Variants in LINGO2 observed in about 807,000 individuals in gnomAD.
The protein encoded by LINGO2 is leucine-rich repeat and immunoglobulin-like domain-containing nogo receptor-interacting protein 2.
LINGO2 carries 14 observed loss-of-function variants against 30.6 expected under a neutral mutation model. That is an observed-to-expected ratio of 0.46 (90% CI 0.30 to 0.72). The LOEUF (loss-of-function observed/expected upper bound fraction) is 0.72. LINGO2 is among the 30% of genes least tolerant of loss of function. The pLI is 0.07. For missense variants in LINGO2, 729 were observed against 751.7 expected (o/e 0.97, Z 0.35); for synonymous variants, 317 against 288.5 (o/e 1.10, Z -1.00).
chr9:28,093,691 G>C (rs1215506885), intron 4 of LINGO2, among the ~76,000 whole-genome samples: 1 of 152,022 alleles, frequency 6.6e-6, no homozygotes, highest in Non-Finnish European at 1.5e-5. Context: ...AAGATGCAGT[G>C]TGCTGCTAGC....
chr9:28,133,770 T>G (rs1563993750), intron 4 of LINGO2, among the ~76,000 whole-genome samples: 1 of 152,206 alleles, frequency 6.6e-6, no homozygotes, highest in African/African-American at 2.4e-5. Context: ...TTGTAAATGT[T>G]GGTGTCCTTT....
At chr9:28,809,195 G>C in the LINGO2 span, among the ~76,000 whole-genome samples, 1 of 152,192 alleles carries the variant, frequency 6.6e-6, no homozygotes, top group Non-Finnish European at 1.5e-5. Flanking sequence ...TTCACTAAAA[G>C]ATAATAACTT....
At chr9:28,298,793 T>C (rs1317999594) in intron 3 of LINGO2, among the ~76,000 whole-genome samples, 1 of 152,200 alleles carries the variant, frequency 6.6e-6, no homozygotes, top group Non-Finnish European at 1.5e-5. Context: ...GCAAACAGGT[T>C]CCAGATAGGG....
chr9:28,866,252 A>G, the LINGO2 span, among the ~76,000 whole-genome samples: 1 of 152,188 alleles, frequency 6.6e-6, no homozygotes, highest in African/African-American at 2.4e-5. Flanking sequence ...TTTAACTTCA[A>G]AAATAGGCAG....
At chr9:29,135,024 T>G in the LINGO2 span, among the ~76,000 whole-genome samples, 1 of 152,130 alleles carries the variant, frequency 6.6e-6, no homozygotes, top group Non-Finnish European at 1.5e-5. Context: ...TTGTTTTAGT[T>G]TGAACTTTTA....
rs141151588 is a variant in LINGO2 at position 28,221,298 on chromosome 9, TAAAAAAAAAAAAAA to T, written c.-87+73896_-87+73909del. 4.8e-5 allele frequency among the ~76,000 whole-genome samples: 4 copies of T among 83,738 alleles called. No individual in the cohort carries two copies. The South Asian group carries it at 1.6e-3, about 33-fold the overall frequency. The allele number at this position is 83,738 out of a possible 152,430, so 54.9% of individuals were successfully genotyped here. On this transcript the variant is annotated intron_variant, in intron 4 of 5. Coordinates refer to ENST00000379992, the Ensembl canonical transcript of LINGO2. ...CTGGGTGACAGAGCCAGACCCCGTC[TAAAAAAAAAAAAAA>T]AAAAAAAAAAAAAGCAAAGATAGAG...
chr9:29,027,157 A>T, the LINGO2 span, among the ~76,000 whole-genome samples: 1 of 152,160 alleles, frequency 6.6e-6, no homozygotes, highest in Admixed American at 6.6e-5. Context: ...GGATAAATAA[A>T]ATGAGGCAAA....
At chr9:28,891,116 A>G in the LINGO2 span, among the ~76,000 whole-genome samples, 1 of 152,090 alleles carries the variant, frequency 6.6e-6, no homozygotes, top group Non-Finnish European at 1.5e-5. Context: ...AAGGAGAAAC[A>G]CTAAATAGCA....
At chr9:28,477,863 T>A (rs1253041605) in intron 1 of LINGO2, among the ~76,000 whole-genome samples, 1 of 152,212 alleles carries the variant, frequency 6.6e-6, no homozygotes, top group East Asian at 1.9e-4. Context: ...GGTCTACAAC[T>A]TCTGAAATGA....
chr9:27,985,703 G>A (rs1022446162), intron 5 of LINGO2, among the ~76,000 whole-genome samples: 1 of 151,376 alleles, frequency 6.6e-6, no homozygotes, highest in African/African-American at 2.4e-5. Context: ...TGATTCTACT[G>A]GCTGAGAGAA....
the LINGO2 span, among the ~76,000 whole-genome samples, chr9:29,132,882 T>C: frequency 1.1e-4 from 9 of 84,964 alleles, no homozygotes; most frequent in African/African-American, 3.3e-4. Flanking sequence ...CATGTAATCC[T>C]TTTTTTTTTA....
intron 1 of LINGO2, among the ~76,000 whole-genome samples, chr9:28,578,061 C>G (rs1016919669): frequency 1.3e-5 from 2 of 152,078 alleles, no homozygotes; most frequent in African/African-American, 2.4e-5. Context: ...TACTTTGGGG[C>G]AGAGTACATT....
chr9:28,727,624 T>TGA, the LINGO2 span, among the ~76,000 whole-genome samples: 1 of 152,154 alleles, frequency 6.6e-6, no homozygotes, highest in Admixed American at 6.5e-5. Context: ...CCACTGGTCT[T>TGA]TCATCCGTCT....
chr9:28,548,797 T>C (rs1275677768), intron 1 of LINGO2, among the ~76,000 whole-genome samples: 1 of 150,384 alleles, frequency 6.6e-6, no homozygotes, highest in Non-Finnish European at 1.5e-5. Flanking sequence ...CCTCAGGGAG[T>C]TACTATAAAA....
the LINGO2 span, among the ~76,000 whole-genome samples, chr9:28,681,881 T>C: frequency 1.3e-5 from 2 of 152,138 alleles, no homozygotes; most frequent in Non-Finnish European, 2.9e-5. Context: ...TGAAAGCTTA[T>C]GATTCAATCA....
chr9:28,499,208 C>G (rs1241352744), intron 1 of LINGO2, among the ~76,000 whole-genome samples: 1 of 152,154 alleles, frequency 6.6e-6, no homozygotes. Flanking sequence ...ATACTATTTT[C>G]TAGCCTTAGA....
At chr9:28,560,728 G>A (rs1587863817) in intron 1 of LINGO2, among the ~76,000 whole-genome samples, 2 of 151,932 alleles carry the variant, frequency 1.3e-5, no homozygotes, top group East Asian at 3.9e-4. Flanking sequence ...GTGCATTGGT[G>A]CAATCTTGGC....
the LINGO2 span, among the ~76,000 whole-genome samples, chr9:29,151,315 T>C: frequency 2.0e-5 from 3 of 152,030 alleles, no homozygotes; most frequent in African/African-American, 4.8e-5. Flanking sequence ...CTTAAGCACA[T>C]AGCACACAGA....
chr9:28,538,560 C>T (rs1821535181), intron 1 of LINGO2, among the ~76,000 whole-genome samples: 2 of 152,112 alleles, frequency 1.3e-5, no homozygotes, highest in African/African-American at 4.8e-5. Flanking sequence ...TCTGTTATTA[C>T]AAAATACCAT....
Sources: gnomAD v4.1 joint callset for allele counts (sites outside exome capture counted in the v4.1 genomes callset) on GRCh38, gnomAD v4.1.1 for gene constraint, MANE v1.5 for transcripts, NCBI Gene and HGNC (gene_info 2026-07-23, HGNC 2026-07-21) for gene names.